ANK3: variants seen among roughly 807,000 people sequenced by gnomAD.
ANK3 encodes ankyrin-3.
A neutral mutation model predicts 370.9 loss-of-function variants in ANK3; 57 were observed. The observed-to-expected ratio is 0.15, with a 90% CI of 0.12 to 0.19. The LOEUF (loss-of-function observed/expected upper bound fraction) is 0.19. Among genes scored for constraint, ANK3 ranks in the 10% least tolerant of loss-of-function variants. ANK3 has a pLI of 1.00. For synonymous variants in ANK3, 1,929 were observed against 1,946.3 expected, an observed-to-expected ratio of 0.99 and a Z score of 0.23; for missense variants, 4,439 against 5,302.1, an observed-to-expected ratio of 0.84 and a Z score of 5.06.
intron 1 of ANK3, chr10:60,684,939 A>G (rs569916864): frequency 2.6e-6 from 4 of 1,522,102 alleles, no homozygotes; most frequent in Middle Eastern, 1.8e-4. Flanking sequence ...TATCTCTTTC[A>G]GGAATTGAGA....
intron 1 of ANK3, among the ~76,000 whole-genome samples, chr10:60,387,032 T>C (rs1391323490): frequency 6.6e-6 from 1 of 151,790 alleles, no homozygotes; most frequent in Non-Finnish European, 1.5e-5. Context: ...GGGTGGCGGG[T>C]GCCTGTAATC....
chr10:60,641,182 T>C (rs1315076303), intron 1 of ANK3, among the ~76,000 whole-genome samples: 1 of 148,484 alleles, frequency 6.7e-6, no homozygotes, highest in African/African-American at 2.5e-5. Flanking sequence ...GAAGAATCAA[T>C]ATTGTGAAAA....
At chr10:60,264,707 G>C (rs2097853691) in intron 5 of ANK3, among the ~76,000 whole-genome samples, 2 of 151,810 alleles carry the variant, frequency 1.3e-5, no homozygotes, top group Non-Finnish European at 2.9e-5. Context: ...ATTTAAATAA[G>C]ATGTAAACAT....
In ANK3 at chr10:60,056,185, T is replaced by C. The variant is rs1367156843; in HGVS notation, c.12687-149A>G. On this transcript the variant is annotated intron_variant, in intron 41 of 43. Transcript: ENST00000280772. ...AAAAGTGTGGCCACTGGATTTAAAA[T>C]GTAGCTGGGCGCAGTGGCTCATGCC... is the stretch of plus-strand genomic sequence containing the variant. 5 of 1,024,462 alleles carry C rather than the reference T, an allele frequency of 4.9e-6. No individual in the cohort carries two copies. In the African/African-American group the frequency reaches 4.9e-5, roughly 10 times the overall value. The allele number at this position is 1,024,462 out of a possible 1,614,324, so 63.5% of individuals were successfully genotyped here.
chr10:60,163,131 CTTCT>C (rs2095539610), intron 23 of ANK3, among the ~76,000 whole-genome samples: 2 of 151,438 alleles, frequency 1.3e-5, no homozygotes, highest in Non-Finnish European at 3.0e-5. Context: ...TTCCTTCTCT[CTTCT>C]TTCTTCTATA....
intron 16 of ANK3, among the ~76,000 whole-genome samples, chr10:60,189,979 C>A (rs1314762518): frequency 6.6e-6 from 1 of 152,160 alleles, no homozygotes; most frequent in East Asian, 1.9e-4. Context: ...CTCACTATCT[C>A]TTCTACAATT....
At chr10:60,605,646 G>A (rs2078119325) in intron 2 of ANK3, among the ~76,000 whole-genome samples, 1 of 152,150 alleles carries the variant, frequency 6.6e-6, no homozygotes, top group African/African-American at 2.4e-5. Context: ...GTGAATGGGA[G>A]CATGTGGTCT....
chr10:60,712,929 G>A (rs1258298354), intron 1 of ANK3, among the ~76,000 whole-genome samples: 1 of 152,072 alleles, frequency 6.6e-6, no homozygotes, highest in African/African-American at 2.4e-5. Context: ...ATATGTATAG[G>A]TCTAAAAACA....
At chr10:60,351,357 C>A (rs1594313428) in intron 1 of ANK3, among the ~76,000 whole-genome samples, 1 of 152,274 alleles carries the variant, frequency 6.6e-6, no homozygotes, top group East Asian at 1.9e-4. Context: ...CCCAAATCTG[C>A]CCATAACCAG....
intron 1 of ANK3, among the ~76,000 whole-genome samples, chr10:60,362,529 C>T (rs999512699): frequency 6.6e-6 from 1 of 152,160 alleles, no homozygotes; most frequent in African/African-American, 2.4e-5. Flanking sequence ...ATACTTCTAT[C>T]GCACGTGAGC....
chr10:60,364,323 C>T (rs1213863084), intron 1 of ANK3, among the ~76,000 whole-genome samples: 2 of 151,172 alleles, frequency 1.3e-5, no homozygotes, highest in African/African-American at 4.9e-5. Context: ...ATGATTAAGG[C>T]TGCTCAAGTG....
At chr10:60,502,662 G>C (rs10994388) in intron 2 of ANK3, among the ~76,000 whole-genome samples, 3 of 151,346 alleles carry the variant, frequency 2.0e-5, no homozygotes, top group Non-Finnish European at 4.4e-5. Context: ...CTGCACTCCA[G>C]TCTGCGCAAC....
chr10:60,248,016 C>G (rs117463411), intron 7 of ANK3, among the ~76,000 whole-genome samples: 273 of 152,292 alleles, frequency 1.8e-3, no homozygotes, highest in Middle Eastern at 0.01. Flanking sequence ...TCAAAATTTC[C>G]TCCCTTTTTA....
rs144242291 is a variant in ANK3 at position 60,533,296 on chromosome 10, G to A, written c.96+81890C>T. ...TGGACTGGATCTGTGTGATCCTGAAGAATCCCATCATGTTTGGATCAAGGA... is the reference window on the plus strand; with the variant it reads ...TGGACTGGATCTGTGTGATCCTGAAAAATCCCATCATGTTTGGATCAAGGA... On this transcript the variant is annotated intron_variant, in intron 2 of 43. Transcript: ENST00000373827. Among the ~76,000 whole-genome samples, 75 of 152,200 alleles carry A rather than the reference G, an allele frequency of 4.9e-4. No homozygotes were observed. The East Asian group carries it at 0.014, about 28-fold the overall frequency.
intron 7 of ANK3, among the ~76,000 whole-genome samples, chr10:60,243,777 G>A (rs1445906271): frequency 1.3e-5 from 2 of 152,274 alleles, no homozygotes; most frequent in East Asian, 1.9e-4. Context: ...AATAATTTGG[G>A]TAGAAAAGAC....
intron 2 of ANK3, among the ~76,000 whole-genome samples, chr10:60,437,228 G>A (rs1178120588): frequency 6.6e-6 from 1 of 152,150 alleles, no homozygotes; most frequent in Non-Finnish European, 1.5e-5. Flanking sequence ...AGTCCTAGAG[G>A]ACTCAGCGCT....
At chr10:60,376,802 A>T (rs970392599) in intron 1 of ANK3, among the ~76,000 whole-genome samples, 1 of 152,232 alleles carries the variant, frequency 6.6e-6, no homozygotes, top group African/African-American at 2.4e-5. Context: ...AGGATCACTA[A>T]TTCTATAATA....
At chr10:60,153,006 T>C (rs1229084311) in intron 23 of ANK3, among the ~76,000 whole-genome samples, 2 of 152,198 alleles carry the variant, frequency 1.3e-5, no homozygotes, top group African/African-American at 4.8e-5. Context: ...TGTATGCATA[T>C]GTGTACCAGG....
chr10:60,288,005 C>A (rs1358695673), intron 1 of ANK3, among the ~76,000 whole-genome samples: 1 of 152,204 alleles, frequency 6.6e-6, no homozygotes, highest in Non-Finnish European at 1.5e-5. Flanking sequence ...CCTTTAAAAC[C>A]TGTCCCAAAC....
Sources: allele counts gnomAD v4.1 joint callset (sites outside exome capture counted in the v4.1 genomes callset), GRCh38; gene constraint gnomAD v4.1.1; transcripts MANE v1.5; gene names NCBI Gene and HGNC (gene_info 2026-07-23, HGNC 2026-07-21).